PROM1: variants seen among roughly 807,000 people sequenced by gnomAD.
The protein encoded by PROM1 is prominin 1.
A neutral mutation model predicts 116.9 loss-of-function variants in PROM1; 105 were observed. The ratio of observed to expected loss-of-function variants is 0.90; its 90% CI spans 0.77 to 1.06. The LOEUF (loss-of-function observed/expected upper bound fraction) is 1.06. Ranked by LOEUF, PROM1 falls within the 50% of genes least tolerant of loss-of-function variation. PROM1 has a pLI of 0.00. For missense variants in PROM1, 1,122 were observed against 1,045.2 expected (o/e 1.07, Z -1.01); for synonymous variants, 393 against 387.0 (o/e 1.02, Z -0.18).
intron 2 of PROM1, among the ~76,000 whole-genome samples, chr4:16,046,608 C>T (rs756870858): frequency 3.0e-4 from 46 of 152,110 alleles, no homozygotes; most frequent in Non-Finnish European, 4.0e-4. Flanking sequence ...TTAGGTTGAT[C>T]GGAAAAGAAA....
At chr4:15,977,298 C>T (rs927108214) in intron 26 of PROM1, among the ~76,000 whole-genome samples, 1 of 152,190 alleles carries the variant, frequency 6.6e-6, no homozygotes, top group Non-Finnish European at 1.5e-5. Context: ...GGAAGCAATT[C>T]TACAAATTCA....
At chr4:16,055,280 G>T in intron 2 of PROM1, 1 of 416,664 alleles carries the variant, frequency 2.4e-6, no homozygotes, top group Admixed American at 2.7e-5. Flanking sequence ...TACGTCTACA[G>T]TTCCAGCTAC....
At chr4:15,982,510 GT>G (rs1436461822) in intron 23 of PROM1, among the ~76,000 whole-genome samples, 3 of 152,204 alleles carry the variant, frequency 2.0e-5, no homozygotes, top group Non-Finnish European at 4.4e-5. Flanking sequence ...CTAGCCCACA[GT>G]CTATCGTATT....
rs147280066 is a variant in PROM1, at chr4:16,026,171, A to C, written c.510-859T>G. Among the ~76,000 whole-genome samples, 524 of 152,368 alleles carry C rather than the reference A, an allele frequency of 3.4e-3. 2 individuals carry two copies. The highest frequency in any genetic ancestry group is 0.012 in the African/African-American group (508 of 41,592). On this transcript the variant is annotated intron_variant, in intron 5 of 27. Transcript: ENST00000447510. ...TACAGGAAAGCCTTCTCTATGTGAAAAAACCAAAACGTCTTTTTTCAAGCC... is the reference window on the plus strand; with the variant it reads ...TACAGGAAAGCCTTCTCTATGTGAACAAACCAAAACGTCTTTTTTCAAGCC...
In PROM1 at chr4:16,070,740, T is replaced by A. The variant is rs564723282; in HGVS notation, c.220+4947A>T. Among the ~76,000 whole-genome samples the A allele has an allele frequency of 2.0e-5, 3 of 152,304 alleles. No homozygotes were observed. In the South Asian group the frequency reaches 6.2e-4, roughly 32 times the overall value. On this transcript the variant is annotated intron_variant, in intron 2 of 27. Coordinates refer to ENST00000447510, the MANE Select transcript of PROM1 (RefSeq NM_006017.3). ...AGTAAACTAGCATCACATCCAAACC[T>A]TGGCTTCTAGACCCTGTTCCGCTAC...
intron 13 of PROM1, among the ~76,000 whole-genome samples, chr4:16,004,574 AAAC>A (rs1322432989): frequency 1.3e-5 from 2 of 152,332 alleles, no homozygotes; most frequent in Middle Eastern, 3.4e-3. Context: ...AAACACTAAC[AAAC>A]AACCAAGTTA....
chr4:15,989,686 A>G (rs1423093467), intron 19 of PROM1, 46 bp downstream of exon 19: 1 of 1,458,692 alleles, frequency 6.9e-7, no homozygotes, highest in Non-Finnish European at 9.5e-7. Context: ...GCTGCAGTAG[A>G]TTTTGCTCAG....
In PROM1 at chr4:16,009,174, A is replaced by C. The variant is rs1477149746; in HGVS notation, c.1142-66T>G. ...GAGGAAATAGAAACTTTGTTTTGGAACCAAACAGAAAAGCCTGAACCACCT... is the reference window on the plus strand; with the variant it reads ...GAGGAAATAGAAACTTTGTTTTGGACCCAAACAGAAAAGCCTGAACCACCT... On this transcript the variant is annotated intron_variant, in intron 11 of 27. Coordinates refer to ENST00000447510, the MANE Select transcript of PROM1 (RefSeq NM_006017.3). 3 of 1,435,330 alleles carry C rather than the reference A, an allele frequency of 2.1e-6. No homozygotes were observed. In the East Asian group the frequency reaches 6.9e-5, roughly 33 times the overall value. The allele number at this position is 1,435,330 out of a possible 1,614,324, so 88.9% of individuals were successfully genotyped here.
rs147174580 is a variant in PROM1 at position 16,006,648 on chromosome 4, G to A, written c.1344C>T (p.Ile448=). The A allele has an allele frequency of 3.2e-5, 51 of 1,612,892 alleles. 1 individual carries two copies. Among genetic ancestry groups the A allele is most frequent in the East Asian group, 2.2e-4 (10 of 44,830 alleles). ...GTAAGCCCAGGTAGTAAAAAATCAC[G>A]ATGAGGGTCAGCAGAGAGCAGATGA... ...GLVICSLLTL[I]VIFYYLGLLC... is the part of the protein sequence containing the mutation. The change falls in exon 13 of 28, where the codon ATC becomes ATT. Residue 448 remains isoleucine (I), a synonymous_variant. Transcript: ENST00000447510.
intron 21 of PROM1, 47 bp downstream of exon 21, chr4:15,985,910 T>C (rs1022430451): frequency 8.9e-5 from 11 of 124,106 alleles, no homozygotes; most frequent in African/African-American, 8.1e-4. Flanking sequence ...TCTGTAACAT[T>C]CAAGTGCCCA....
intron 26 of PROM1, 138 bp from the exon 27 acceptor site, chr4:15,971,220 G>A: frequency 1.6e-6 from 1 of 634,622 alleles, no homozygotes; most frequent in South Asian, 2.4e-5. Flanking sequence ...TTATCAAGAA[G>A]AATGTGTCAG....
chr4:16,019,158 T>C (rs931321157), intron 8 of PROM1, among the ~76,000 whole-genome samples: 7 of 152,184 alleles, frequency 4.6e-5, no homozygotes, highest in Non-Finnish European at 7.4e-5. Context: ...CAGATGAAAA[T>C]GCCTCAAAGG....
chr4:16,045,792 G>T (rs2149445489), intron 2 of PROM1, among the ~76,000 whole-genome samples: 1 of 152,028 alleles, frequency 6.6e-6, no homozygotes, highest in East Asian at 1.9e-4. Context: ...TGCATGAAAA[G>T]GTACTTGCAC....
chr4:16,040,728 A>T (rs60246673), intron 2 of PROM1, among the ~76,000 whole-genome samples: 5,694 of 152,252 alleles, frequency 0.037, 377 homozygotes, highest in African/African-American at 0.13. Flanking sequence ...AAACATTTAT[A>T]AATAAAACAG....
chr4:16,069,190 G>A (rs979735625), intron 2 of PROM1, among the ~76,000 whole-genome samples: 2 of 152,162 alleles, frequency 1.3e-5, no homozygotes, highest in Admixed American at 1.3e-4. Context: ...AGCCGAGATC[G>A]TGCCACTGCA....
intron 24 of PROM1, chr4:15,980,208 G>A: frequency 1.6e-6 from 1 of 624,720 alleles, no homozygotes. Flanking sequence ...AAGCTGAGAG[G>A]ATTAAGCAAG....
chr4:16,069,889 G>A (rs984556259), intron 2 of PROM1, among the ~76,000 whole-genome samples: 3 of 152,168 alleles, frequency 2.0e-5, no homozygotes, highest in African/African-American at 7.2e-5. Context: ...CACAACTGAG[G>A]TACAGGAACA....
chr4:16,075,996 G>T lies in PROM1; in HGVS notation c.-90C>A. On this transcript the variant is annotated 5_prime_UTR_variant, in exon 2 of 28. Transcript: ENST00000447510. Reference sequence around the variant, plus strand: ...CCTTGGGGAAGGCAAGCGTGTTCCTGGGCAGAAGAGGAGCAGGAAGCACTG... The same window carrying T: ...CCTTGGGGAAGGCAAGCGTGTTCCTTGGCAGAAGAGGAGCAGGAAGCACTG... The T allele has an allele frequency of 6.8e-7, 1 of 1,464,112 alleles. No individual in the cohort carries two copies. The allele number at this position is 1,464,112 out of a possible 1,614,324, so 90.7% of individuals were successfully genotyped here.
chr4:16,070,840 T>A (rs1560615993), intron 2 of PROM1, among the ~76,000 whole-genome samples: 1 of 152,178 alleles, frequency 6.6e-6, no homozygotes, highest in Non-Finnish European at 1.5e-5. Flanking sequence ...GGCAATGCCA[T>A]GTAGAATGTT....
Sources: allele counts gnomAD v4.1 joint callset (sites outside exome capture counted in the v4.1 genomes callset), GRCh38; gene constraint gnomAD v4.1.1; transcripts MANE v1.5; gene names NCBI Gene and HGNC (gene_info 2026-07-23, HGNC 2026-07-21).